Variants in ZNF429 observed in about 807,000 individuals in gnomAD.
ZNF429 encodes the protein zinc finger protein 429.
Under a neutral mutation model 56.8 loss-of-function variants are expected in ZNF429, and 53 were observed. The ratio of observed to expected loss-of-function variants is 0.93; its 90% CI spans 0.75 to 1.17. The LOEUF (loss-of-function observed/expected upper bound fraction) is 1.17, where lower values mean the gene tolerates loss of function less well. ZNF429 is among the 50% of genes most tolerant of loss of function. The probability of loss-of-function intolerance (pLI) is 0.00; values close to 1 mark genes in which losing one functional copy is unlikely to be tolerated. For missense variants in ZNF429, 849 were observed against 788.4 expected (o/e 1.08, Z -0.92); for synonymous variants, 278 against 264.7 (o/e 1.05, Z -0.49).
At position 21,536,671 on chromosome 19, in the gene ZNF429, T is replaced by C; in HGVS notation, c.618T>C (p.Phe206=). The C allele has an allele frequency of 6.2e-7, 1 of 1,614,056 alleles. No homozygotes were observed. Among genetic ancestry groups the C allele is most frequent in the Non-Finnish European group, 8.5e-7 (1 of 1,179,942 alleles). The change falls in exon 4 of 4, where the codon TTT becomes TTC. Residue 206 remains phenylalanine, a synonymous_variant. Coordinates refer to ENST00000358491, the MANE Select transcript of ZNF429 (RefSeq NM_001001415.4). ...AGAATACCTACAGATGTAAAGAATTTGGCAATGCCTTTAATCAGTCCTCAG... is the reference window on the plus strand; with the variant it reads ...AGAATACCTACAGATGTAAAGAATTCGGCAATGCCTTTAATCAGTCCTCAG... ...IRENTYRCKE[F]GNAFNQSSAL... is the part of the protein sequence containing the mutation.
intron 1 of ZNF429, among the ~76,000 whole-genome samples, chr19:21,525,670 G>T (rs2033137491): frequency 6.6e-6 from 1 of 152,188 alleles, no homozygotes. Context: ...TGCTTACCAA[G>T]ACATTCCATT....
At chr19:21,533,636 C>T in intron 3 of ZNF429, among the ~76,000 whole-genome samples, 29 of 149,910 alleles carry the variant, frequency 1.9e-4, no homozygotes, top group African/African-American at 7.1e-4. Context: ...AGGAAAGGAC[C>T]CAACTTTATT....
At chr19:21,521,465 C>T (rs1391053636) in intron 1 of ZNF429, 1 of 152,120 alleles carries the variant, frequency 6.6e-6, no homozygotes, top group African/African-American at 2.4e-5. Flanking sequence ...GAGAATATGC[C>T]CTTTTTCTTC....
chr19:21,517,715 G>A (rs1413155401), intron 1 of ZNF429, among the ~76,000 whole-genome samples: 2 of 151,168 alleles, frequency 1.3e-5, no homozygotes, highest in East Asian at 3.9e-4. Flanking sequence ...TTTAGTTTGT[G>A]TGCATAGAGA....
At chr19:21,523,638 C>A (rs1467587220) in intron 1 of ZNF429, among the ~76,000 whole-genome samples, 1 of 152,214 alleles carries the variant, frequency 6.6e-6, no homozygotes, top group African/African-American at 2.4e-5. Flanking sequence ...TTTTATCAGG[C>A]CACACTCTGT....
chr19:21,511,766 C>T (rs2032488327), intron 1 of ZNF429, among the ~76,000 whole-genome samples: 1 of 152,140 alleles, frequency 6.6e-6, no homozygotes. Flanking sequence ...GATCACGCCA[C>T]TGCACTCCAG....
chr19:21,529,979 C>T, intron 2 of ZNF429, among the ~76,000 whole-genome samples, 195 bp downstream of exon 2: 9 of 152,158 alleles, frequency 5.9e-5, no homozygotes, highest in African/African-American at 1.4e-4. Flanking sequence ...GGGTGGATCA[C>T]GAGGTCAGGA....
Position 21,516,285 on chromosome 19 carries a change from C to T in ZNF429, c.3+10511C>T, listed in dbSNP as rs186769769. 7.2e-5 allele frequency among the ~76,000 whole-genome samples: 11 copies of T among 152,082 alleles called. No individual in the cohort carries two copies. The East Asian group carries it at 2.1e-3, about 29-fold the overall frequency. ...TGTATTTTTAGTAGGGACGGGGTTT[C>T]ACCGTGTTAGCCAGGATGGCTTCAA... On this transcript the variant is annotated intron_variant, in intron 1 of 3. Transcript: ENST00000358491.
At chr19:21,520,515 G>A (rs1284331909) in intron 1 of ZNF429, among the ~76,000 whole-genome samples, 2 of 151,942 alleles carry the variant, frequency 1.3e-5, no homozygotes, top group Non-Finnish European at 2.9e-5. Context: ...TTGACTCAAG[G>A]TTGTCTTTCT....
chr19:21,506,029 G>T (rs945278827), intron 1 of ZNF429: 2 of 346,750 alleles, frequency 5.8e-6, no homozygotes, highest in Non-Finnish European at 1.1e-5. Flanking sequence ...CTCTGCACGC[G>T]CAATTCCGCA....
At chr19:21,533,836 A>G in intron 3 of ZNF429, among the ~76,000 whole-genome samples, 1 of 151,936 alleles carries the variant, frequency 6.6e-6, no homozygotes, top group African/African-American at 2.4e-5. Flanking sequence ...TTGTATTTTT[A>G]GTAGAGATGG....
rs943954562 is a variant in ZNF429 at position 21,505,619 on chromosome 19, G to A, written c.-153G>A. ...GCGACAGGACGGTTTCCGGAATATG[G>A]CGGGGCGTTTGGCTCTTGCTGCAGC... On this transcript the variant is annotated 5_prime_UTR_variant, in exon 1 of 4. Coordinates refer to ENST00000358491, the MANE Select transcript of ZNF429 (RefSeq NM_001001415.4). 3.1e-6 allele frequency: 2 copies of A among 651,536 alleles called. No homozygotes were observed. Among genetic ancestry groups the A allele is most frequent in the South Asian group, 2.0e-5 (1 of 49,960 alleles). 40.4% of individuals were successfully genotyped at this position (651,536 alleles called of 1,614,324 possible).
chr19:21,525,441 G>GTCCA (rs151011530), intron 1 of ZNF429, among the ~76,000 whole-genome samples: 1,532 of 152,202 alleles, frequency 0.01, 26 homozygotes, highest in African/African-American at 0.035. Context: ...TCTACACAGG[G>GTCCA]TCCACTCTTT....
intron 1 of ZNF429, among the ~76,000 whole-genome samples, chr19:21,506,373 G>A (rs1326636620): frequency 1.4e-5 from 2 of 147,354 alleles, no homozygotes; most frequent in Middle Eastern, 3.6e-3. Context: ...CACGAGAATC[G>A]CTTAAACCCA....
At chr19:21,517,139 TA>T (rs1342885763) in intron 1 of ZNF429, among the ~76,000 whole-genome samples, 1 of 152,248 alleles carries the variant, frequency 6.6e-6, no homozygotes, top group East Asian at 1.9e-4. Context: ...TTTAGGGTTC[TA>T]AACATGAAGA....
At chr19:21,512,699 C>T (rs2032558177) in intron 1 of ZNF429, among the ~76,000 whole-genome samples, 2 of 149,726 alleles carry the variant, frequency 1.3e-5, no homozygotes, top group Non-Finnish European at 3.0e-5. Flanking sequence ...GAAAGAATGC[C>T]TTAACTGTTT....
At chr19:21,524,971 T>G (rs963324666) in intron 1 of ZNF429, among the ~76,000 whole-genome samples, 2 of 152,174 alleles carry the variant, frequency 1.3e-5, no homozygotes, top group Non-Finnish European at 2.9e-5. Context: ...AATTGCTTCA[T>G]TAATATGACC....
Position 21,536,380 on chromosome 19 carries a change from G to T in ZNF429, c.327G>T (p.Glu109Asp), listed in dbSNP as rs138757574. ...TLRRYDKRGHENLQLRKGYKT... is the reference protein window; with the variant it reads ...TLRRYDKRGHDNLQLRKGYKT... ...GGAGATATGATAAACGTGGACATGAGAACTTACAATTAAGAAAAGGCTATA... is the reference window on the plus strand; with the variant it reads ...GGAGATATGATAAACGTGGACATGATAACTTACAATTAAGAAAAGGCTATA... Residue 109 changes from glutamate (E) to aspartate (D), a missense_variant, in exon 4 of 4, where the codon GAG (glutamate) becomes GAT (aspartate). Coordinates refer to ENST00000358491, the MANE Select transcript of ZNF429 (RefSeq NM_001001415.4). 1,178 of 1,613,850 alleles carry T rather than the reference G, an allele frequency of 7.3e-4. 9 individuals carry two copies. The African/African-American group carries it at 0.013, about 18-fold the overall frequency.
At chr19:21,535,417 TTTCTTTCTTTCTTTCTTTC>T in intron 3 of ZNF429, among the ~76,000 whole-genome samples, 6,948 of 53,112 alleles carry the variant, frequency 0.13, 1,504 homozygotes, top group East Asian at 0.17. Context: ...TTTTCTTTTC[TTTCTTTCTTTCTTTCTTTC>T]TTTCTTTCTT....
Sources: allele counts gnomAD v4.1 joint callset (sites outside exome capture counted in the v4.1 genomes callset), GRCh38; gene constraint gnomAD v4.1.1; transcripts MANE v1.5; gene names NCBI Gene and HGNC (gene_info 2026-07-23, HGNC 2026-07-21).